Variants in DNER observed in about 807,000 individuals in gnomAD.
The protein encoded by DNER is delta/notch like EGF repeat containing.
In DNER, 33 loss-of-function variants were observed where a neutral mutation model predicts 78.2. The ratio of observed to expected loss-of-function variants is 0.42; its 90% CI spans 0.32 to 0.56. DNER has a LOEUF of 0.56. Among genes scored for constraint, DNER ranks in the 20% least tolerant of loss-of-function variants. The pLI, the probability that DNER is intolerant of heterozygous loss-of-function variation, is 0.11. For missense variants in DNER, 918 were observed against 975.3 expected, an observed-to-expected ratio of 0.94 and a Z score of 0.78; for synonymous variants, 417 against 384.8, an observed-to-expected ratio of 1.08 and a Z score of -0.98.
chr2:229,577,631 T>C (rs1697327389), intron 4 of DNER, among the ~76,000 whole-genome samples: 2 of 151,772 alleles, frequency 1.3e-5, no homozygotes, highest in Admixed American at 6.6e-5. Context: ...AGAGACTCTG[T>C]CTCAAAAAAA....
chr2:229,586,423 AC>A (rs1198212300), intron 3 of DNER, among the ~76,000 whole-genome samples: 1 of 96,782 alleles, frequency 1.0e-5, no homozygotes, highest in African/African-American at 4.2e-5. Flanking sequence ...TTTCCCCAAC[AC>A]CCCCCACCCA....
rs190196926 is a variant in DNER, at chr2:229,576,091, C to G, written c.847+9767G>C. Among the ~76,000 whole-genome samples, 784 of 152,244 alleles carry G rather than the reference C, an allele frequency of 5.1e-3. 6 individuals are homozygous for G. Among genetic ancestry groups the G allele is most frequent in the African/African-American group, 0.018 (750 of 41,550 alleles). On this transcript the variant is annotated intron_variant, in intron 4 of 12. Coordinates refer to ENST00000341772, the MANE Select transcript of DNER (RefSeq NM_139072.4). ...TGGTTCTCCCCGCTACACTCCCTAC[C>G]CCCACCATTGCAGTGAGTTCAGCAG...
chr2:229,424,913 G>A (rs1277833804), intron 8 of DNER, among the ~76,000 whole-genome samples: 2 of 152,186 alleles, frequency 1.3e-5, no homozygotes, highest in South Asian at 2.1e-4. Context: ...CTTCCCAGGT[G>A]TAATGATTAA....
intron 9 of DNER, among the ~76,000 whole-genome samples, chr2:229,415,052 C>G (rs1358380005): frequency 6.6e-6 from 1 of 152,090 alleles, no homozygotes; most frequent in African/African-American, 2.4e-5. Flanking sequence ...ATCCCAGCTA[C>G]TCAGGAGGCT....
chr2:229,505,278 T>C (rs913125493), intron 6 of DNER, among the ~76,000 whole-genome samples: 1 of 149,126 alleles, frequency 6.7e-6, no homozygotes, highest in African/African-American at 2.5e-5. Context: ...GAGAAACCTA[T>C]GGGAATGGGG....
At chr2:229,438,018 G>GT (rs1694159250) in intron 8 of DNER, among the ~76,000 whole-genome samples, 1 of 152,198 alleles carries the variant, frequency 6.6e-6, no homozygotes, top group Non-Finnish European at 1.5e-5. Context: ...AGGAAAGGAA[G>GT]TTTCTTTAAT....
chr2:229,639,820 C>T (rs1698586366), intron 1 of DNER, among the ~76,000 whole-genome samples: 1 of 152,158 alleles, frequency 6.6e-6, no homozygotes, highest in African/African-American at 2.4e-5. Flanking sequence ...CAGCGAAGAA[C>T]CCAAGGGCAG....
intron 1 of DNER, among the ~76,000 whole-genome samples, chr2:229,625,990 G>T (rs954730234): frequency 1.3e-5 from 2 of 152,006 alleles, no homozygotes; most frequent in Non-Finnish European, 2.9e-5. Context: ...CGCTATCTCG[G>T]CTCACTGCAA....
intron 1 of DNER, among the ~76,000 whole-genome samples, chr2:229,622,455 C>A (rs1698265759): frequency 6.6e-6 from 1 of 152,294 alleles, no homozygotes; most frequent in Admixed American, 6.5e-5. Flanking sequence ...TGTGACTTAA[C>A]CAAGCTTGAG....
chr2:229,390,099 A>G (rs920019698), intron 10 of DNER, among the ~76,000 whole-genome samples: 2 of 152,270 alleles, frequency 1.3e-5, no homozygotes, highest in Admixed American at 1.3e-4. Context: ...CAAAGACCTT[A>G]ACAAGTATAT....
intron 5 of DNER, among the ~76,000 whole-genome samples, chr2:229,522,422 G>A (rs1696118257): frequency 6.6e-6 from 1 of 152,130 alleles, no homozygotes; most frequent in Non-Finnish European, 1.5e-5. Flanking sequence ...GTATTTATTT[G>A]CCGCAACGTT....
intron 1 of DNER, among the ~76,000 whole-genome samples, chr2:229,631,389 T>C (rs1195516823): frequency 2.0e-5 from 3 of 152,212 alleles, no homozygotes; most frequent in Non-Finnish European, 2.9e-5. Context: ...AAAGCCATCA[T>C]AGAGTCCCTA....
chr2:229,563,071 A>C (rs1473244638), intron 4 of DNER, among the ~76,000 whole-genome samples: 11 of 136,796 alleles, frequency 8.0e-5, no homozygotes, highest in African/African-American at 2.8e-4. Flanking sequence ...CATCCTCCTC[A>C]CCCCATCACC....
At position 229,547,148 on chromosome 2, in the gene DNER, G is replaced by C. The variant is rs1285842861; in HGVS notation, c.848-56C>G. The C allele has an allele frequency of 4.4e-6, 7 of 1,600,158 alleles. No homozygotes were observed. In the African/African-American group the frequency reaches 9.4e-5, roughly 21 times the overall value. On this transcript the variant is annotated intron_variant, in intron 4 of 12. Coordinates refer to ENST00000341772, the MANE Select transcript of DNER (RefSeq NM_139072.4). The stretch of plus-strand genomic sequence containing the variant: ...CAAGTGTCTCCTCTTTAAAGGCAGT[G>C]TGTTGAAAGCTTTACCAACAGCCTT...
chr2:229,460,007 A>G (rs968622970), intron 7 of DNER, among the ~76,000 whole-genome samples: 5 of 151,828 alleles, frequency 3.3e-5, no homozygotes, highest in African/African-American at 1.2e-4. Context: ...CATACAAAAA[A>G]TTAGCTGGGC....
chr2:229,633,462 T>C (rs1698474028), intron 1 of DNER, among the ~76,000 whole-genome samples: 1 of 152,218 alleles, frequency 6.6e-6, no homozygotes, highest in Non-Finnish European at 1.5e-5. Flanking sequence ...TGCCACCTTA[T>C]TTTTAAAAAT....
intron 5 of DNER, among the ~76,000 whole-genome samples, chr2:229,541,981 T>C (rs946400568): frequency 2.7e-5 from 4 of 147,236 alleles, no homozygotes; most frequent in African/African-American, 9.9e-5. Context: ...TTATATACAA[T>C]CTATATTATA....
intron 10 of DNER, among the ~76,000 whole-genome samples, chr2:229,405,535 T>C (rs1693361429): frequency 6.6e-6 from 1 of 152,114 alleles, no homozygotes; most frequent in African/African-American, 2.4e-5. Context: ...TAAAAAATCA[T>C]ATTTCATATA....
At chr2:229,417,849 G>GT (rs1693683657) in intron 9 of DNER, among the ~76,000 whole-genome samples, 1 of 152,016 alleles carries the variant, frequency 6.6e-6, no homozygotes, top group Non-Finnish European at 1.5e-5. Context: ...TTTGTTTTCA[G>GT]CTTTTTACAC....
Sources: allele counts gnomAD v4.1 joint callset (sites outside exome capture counted in the v4.1 genomes callset), GRCh38; gene constraint gnomAD v4.1.1; transcripts MANE v1.5; gene names NCBI Gene and HGNC (gene_info 2026-07-23, HGNC 2026-07-21).